DPP8: variants seen among roughly 807,000 people sequenced by gnomAD.
DPP8 encodes the protein DPP VIII.
DPP8 carries 31 observed loss-of-function variants against 107.5 expected under a neutral mutation model. The ratio of observed to expected loss-of-function variants is 0.29; its 90% CI spans 0.22 to 0.39. The LOEUF is 0.39. DPP8 is among the 10% of genes least tolerant of loss of function. DPP8 has a pLI of 1.00. For synonymous variants in DPP8, 381 were observed against 356.6 expected (o/e 1.07, Z -0.77); for missense variants, 842 against 1,076.1 (o/e 0.78, Z 3.04).
chr15:65,468,494 C>CA (rs10714153), intron 12 of DPP8, among the ~76,000 whole-genome samples: 11,514 of 143,138 alleles, frequency 0.08, 494 homozygotes, highest in African/African-American at 0.13. Context: ...ACCCTTATCT[C>CA]AAAAAAAAAA....
At chr15:65,514,571 CGA>C (rs1300748656) in intron 1 of DPP8, among the ~76,000 whole-genome samples, 2 of 152,128 alleles carry the variant, frequency 1.3e-5, no homozygotes, top group African/African-American at 2.4e-5. Context: ...TGCAGTGGCG[CGA>C]GATCTCGGCT....
chr15:65,498,361 G>T (rs1487608281), intron 4 of DPP8, among the ~76,000 whole-genome samples: 2 of 151,964 alleles, frequency 1.3e-5, no homozygotes, highest in Non-Finnish European at 2.9e-5. Flanking sequence ...GGTGGATGTT[G>T]CAGTGAGCCA....
In DPP8 at chr15:65,512,386, A is replaced by G. The variant is rs751258749; in HGVS notation, c.168T>C (p.His56=). 1 of 1,614,100 alleles carries G rather than the reference A, an allele frequency of 6.2e-7. No homozygotes were observed. Among genetic ancestry groups the G allele is most frequent in the Non-Finnish European group, 8.5e-7 (1 of 1,179,996 alleles). Residue 56 remains histidine, a synonymous_variant, in exon 2 of 20, where the codon CAT becomes CAC. Transcript: ENST00000300141. ...GTGGTGCCTTAGCCATCATGTAGCCATGATATTTTCTGGTATCGGCAAGCA... is the reference window on the plus strand; with the variant it reads ...GTGGTGCCTTAGCCATCATGTAGCCGTGATATTTTCTGGTATCGGCAAGCA... ...KKLLADTRKY[H]GYMMAKAPHD...
chr15:65,490,759 T>A (rs2067950350), intron 5 of DPP8, among the ~76,000 whole-genome samples: 1 of 152,182 alleles, frequency 6.6e-6, no homozygotes, highest in African/African-American at 2.4e-5. Flanking sequence ...TCTTCTTTCA[T>A]CTCATTCAGT....
intron 4 of DPP8, among the ~76,000 whole-genome samples, chr15:65,499,070 A>AGTGTGT (rs56047613): frequency 0.034 from 4,421 of 129,656 alleles, 112 homozygotes; most frequent in South Asian, 0.11. Flanking sequence ...CCAAAAAAAA[A>AGTGTGT]GTGTGTGTGT....
At chr15:65,483,903 G>C (rs941513516) in intron 8 of DPP8, among the ~76,000 whole-genome samples, 1 of 152,252 alleles carries the variant, frequency 6.6e-6, no homozygotes, top group Middle Eastern at 3.4e-3. Flanking sequence ...AATAAATGAA[G>C]TATTGACACA....
chr15:65,488,500 T>A (rs1264804941), intron 6 of DPP8, among the ~76,000 whole-genome samples: 1 of 149,188 alleles, frequency 6.7e-6, no homozygotes, highest in Non-Finnish European at 1.5e-5. Flanking sequence ...CCCAGGTACT[T>A]GAGAGGCTGA....
intron 18 of DPP8, 122 bp downstream of exon 18, chr15:65,451,838 T>A (rs557219089): frequency 3.1e-6 from 3 of 972,570 alleles, no homozygotes; most frequent in Non-Finnish European, 4.3e-6. Context: ...GGTGGGAGGA[T>A]CCTCTGAGCC....
Position 65,494,149 on chromosome 15 carries a change from C to CTTTTTTTTTTTTTTTTTTTTTT in DPP8, c.715+3714_715+3715insAAAAAAAAAAAAAAAAAAAAAA, listed in dbSNP as rs542314824. ...TTGAAATTCAAACCGGTTCTATATC[C>CTTTTTTTTTTTTTTTTTTTTTT]TTTTTTTTTTTTTTAGAGACAGGGT... On this transcript the variant is annotated intron_variant, in intron 5 of 19. Transcript: ENST00000300141. Among the ~76,000 whole-genome samples the CTTTTTTTTTTTTTTTTTTTTTT allele has an allele frequency of 3.0e-4, 37 of 123,252 alleles. 2 individuals are homozygous for CTTTTTTTTTTTTTTTTTTTTTT. Among genetic ancestry groups the CTTTTTTTTTTTTTTTTTTTTTT allele is most frequent in the African/African-American group, 1.3e-3 (37 of 29,418 alleles). The allele number at this position is 123,252 out of a possible 152,430, so 80.9% of individuals were successfully genotyped here. A position where few individuals can be genotyped will look rare whatever the true frequency, so the allele number is the denominator to read the frequency against.
At position 65,480,378 on chromosome 15, in the gene DPP8, A is replaced by G. The variant is rs761200997; in HGVS notation, c.1140T>C (p.Asp380=). 2.5e-6 allele frequency: 4 copies of G among 1,612,338 alleles called. No individual in the cohort carries two copies. Among genetic ancestry groups the G allele is most frequent in the South Asian group, 2.2e-5 (2 of 90,952 alleles). ...EGKYAWSILL[D]RSQTRLQIVL... is the part of the protein sequence containing the mutation. ...CTATCTGTAGGCGAGTCTGGGAGCGATCTAGTAGGATGGACCAAGCACTAT... is the reference window on the plus strand; with the variant it reads ...CTATCTGTAGGCGAGTCTGGGAGCGGTCTAGTAGGATGGACCAAGCACTAT... The change falls in exon 10 of 20, where the codon GAT becomes GAC. Residue 380 remains aspartate, a synonymous_variant. Coordinates refer to ENST00000300141, the MANE Select transcript of DPP8 (RefSeq NM_130434.5).
At chr15:65,468,110 C>T (rs1039442431) in intron 12 of DPP8, among the ~76,000 whole-genome samples, 7 of 152,242 alleles carry the variant, frequency 4.6e-5, no homozygotes, top group Admixed American at 3.9e-4. Flanking sequence ...GCTGAATTCA[C>T]TTAATATTCT....
At chr15:65,501,448 C>T (rs1039492170) in intron 3 of DPP8, among the ~76,000 whole-genome samples, 1 of 152,174 alleles carries the variant, frequency 6.6e-6, no homozygotes, top group African/African-American at 2.4e-5. Flanking sequence ...TGGTTTGAAT[C>T]CAAGCTTTGA....
intron 11 of DPP8, among the ~76,000 whole-genome samples, chr15:65,477,598 C>T (rs1179637355): frequency 2.0e-5 from 3 of 147,674 alleles, no homozygotes; most frequent in South Asian, 2.2e-4. Context: ...GGCGCGATCT[C>T]GGCTCACTGC....
At position 65,442,599 on chromosome 15, in the gene DPP8, A is replaced by ATTCTCT. The variant is rs2063337176; in HGVS notation, c.*4284_*4285insAGAGAA. On this transcript the variant is annotated 3_prime_UTR_variant, in exon 20 of 20. Coordinates refer to ENST00000300141, the MANE Select transcript of DPP8 (RefSeq NM_130434.5). Reference sequence around the variant, plus strand: ...CCCATAAGCTTACTGGAGACATGCAATTCTTTTTATACAAGTCAATGCTTA... The same window carrying ATTCTCT: ...CCCATAAGCTTACTGGAGACATGCAATTCTCTTTCTTTTTATACAAGTCAATGCTTA... 6.6e-6 allele frequency: 1 copy of ATTCTCT among 152,240 alleles called. No individual in the cohort carries two copies. The highest frequency in any genetic ancestry group is 1.5e-5 in the Non-Finnish European group (1 of 68,040). 9.4% of individuals were successfully genotyped at this position (152,240 alleles called of 1,614,324 possible). A position where few individuals can be genotyped will look rare whatever the true frequency, so the allele number is the denominator to read the frequency against.
intron 5 of DPP8, among the ~76,000 whole-genome samples, chr15:65,494,739 T>C (rs1302316696): frequency 2.0e-5 from 3 of 152,042 alleles, no homozygotes; most frequent in Middle Eastern, 3.4e-3. Context: ...CCATTGGTAG[T>C]AGAACAGCTG....
At chr15:65,448,686 A>T (rs1468724947) in intron 19 of DPP8, among the ~76,000 whole-genome samples, 2,231 of 136,296 alleles carry the variant, frequency 0.016, 63 homozygotes, top group Middle Eastern at 0.03. Flanking sequence ...AAAAAAAAAA[A>T]AAAAATATAT....
chr15:65,446,558 A>G lies in DPP8; in HGVS notation c.*326T>C, dbSNP rs1453100081. ...TAAAAATACACTAATTAAGTTCATG[A>G]AGTTTATAATACTATTAAAAGTGAA... On this transcript the variant is annotated 3_prime_UTR_variant, in exon 20 of 20. Coordinates refer to ENST00000300141, the MANE Select transcript of DPP8 (RefSeq NM_130434.5). 6.4e-6 allele frequency: 1 copy of G among 155,598 alleles called. No individual in the cohort carries two copies. The highest frequency in any genetic ancestry group is 1.4e-5 in the Non-Finnish European group (1 of 70,138). 9.6% of individuals were successfully genotyped at this position (155,598 alleles called of 1,614,324 possible). A position where few individuals can be genotyped will look rare whatever the true frequency, so the allele number is the denominator to read the frequency against.
intron 11 of DPP8, among the ~76,000 whole-genome samples, chr15:65,474,880 A>T (rs1012943260): frequency 2.0e-5 from 3 of 152,250 alleles, no homozygotes; most frequent in Non-Finnish European, 2.9e-5. Context: ...TAATGGAATG[A>T]TCTATTTAGG....
At chr15:65,494,149 C>CTTTTTTTTTTTTTTTTTTTTTTTTTT (rs542314824) in intron 5 of DPP8, among the ~76,000 whole-genome samples, 3 of 123,296 alleles carry the variant, frequency 2.4e-5, no homozygotes, top group African/African-American at 1.0e-4. Context: ...GTTCTATATC[C>CTTTTTTTTTTTTTTTTTTTTTTTTTT]TTTTTTTTTT....
Sources: gnomAD v4.1 joint callset for allele counts (sites outside exome capture counted in the v4.1 genomes callset) on GRCh38, gnomAD v4.1.1 for gene constraint, MANE v1.5 for transcripts, NCBI Gene and HGNC (gene_info 2026-07-23, HGNC 2026-07-21) for gene names.